Variants in SIPA1L3 observed in about 807,000 individuals in gnomAD.
SIPA1L3 encodes signal induced proliferation associated 1 like 3.
In SIPA1L3, 59 loss-of-function variants were observed where a neutral mutation model predicts 150.1. The ratio of observed to expected loss-of-function variants is 0.39; its 90% CI spans 0.32 to 0.49. The LOEUF (loss-of-function observed/expected upper bound fraction) is 0.49. Among genes scored for constraint, SIPA1L3 ranks in the 20% least tolerant of loss-of-function variants. SIPA1L3 has a pLI of 0.86. For missense variants in SIPA1L3, 2,211 were observed against 2,489.5 expected (o/e 0.89, Z 2.38); for synonymous variants, 1,070 against 1,077.6 (o/e 0.99, Z 0.14).
chr19:37,924,020 C>T (rs916280092), intron 1 of SIPA1L3, among the ~76,000 whole-genome samples: 2 of 152,162 alleles, frequency 1.3e-5, no homozygotes, highest in African/African-American at 2.4e-5. Flanking sequence ...GGTGATCTGC[C>T]TCCCTCGGCC....
rs1973012556 is a variant in SIPA1L3 at position 38,198,393 on chromosome 19, C to T, written c.4845C>T (p.Thr1615=). The T allele has an allele frequency of 1.3e-6, 2 of 1,552,894 alleles. No individual in the cohort carries two copies. Among genetic ancestry groups the T allele is most frequent in the African/African-American group, 2.8e-5 (2 of 72,192 alleles). ...AGSGFPEKKS[T]ISASELSLAD... ...ATCTCCACCCTCCCCATCCAGCCAC[C>T]ATCTCAGCCTCGGAGCTCTCGCTGG... Residue 1615 remains threonine, a synonymous_variant, in exon 19 of 22, where the codon ACC becomes ACT. Coordinates refer to ENST00000222345, the MANE Select transcript of SIPA1L3 (RefSeq NM_015073.3).
intron 1 of SIPA1L3, among the ~76,000 whole-genome samples, chr19:37,916,859 C>T (rs2046418832): frequency 1.3e-5 from 2 of 151,648 alleles, no homozygotes; most frequent in South Asian, 4.2e-4. Flanking sequence ...ACTCGGGAGA[C>T]GGAGGCAGAG....
chr19:38,173,957 AAG>A (rs771251848), intron 15 of SIPA1L3, among the ~76,000 whole-genome samples: 33 of 140,036 alleles, frequency 2.4e-4, no homozygotes, highest in Non-Finnish European at 2.5e-4. Flanking sequence ...GGGGGCAGAG[AAG>A]AGAGGGGGGC....
chr19:38,160,021 TA>T (rs1471443805), intron 13 of SIPA1L3, among the ~76,000 whole-genome samples: 5 of 152,182 alleles, frequency 3.3e-5, no homozygotes, highest in African/African-American at 1.2e-4. Flanking sequence ...ATTTTTTATT[TA>T]TTTTTTTGAG....
At position 38,119,721 on chromosome 19, in the gene SIPA1L3, C is replaced by G; in HGVS notation, c.2707C>G (p.Arg903Gly). ...SNEFVVLLDL[R>G]TKEVVFNCYC... ...TGAGTTTGTGGTGCTCCTGGACTTA[C>G]GCACCAAGGAGGTGGTGTTCAACTG... Residue 903 changes from arginine (R) to glycine (G), a missense_variant, in exon 9 of 22, where the codon CGC becomes GGC. Transcript: ENST00000222345. The G allele has an allele frequency of 1.2e-6, 2 of 1,614,134 alleles. No homozygotes were observed. Among genetic ancestry groups the G allele is most frequent in the Non-Finnish European group, 1.7e-6 (2 of 1,180,024 alleles).
At chr19:38,098,039 A>C in intron 4 of SIPA1L3, among the ~76,000 whole-genome samples, 1 of 152,348 alleles carries the variant, frequency 6.6e-6, no homozygotes, top group East Asian at 1.9e-4. Context: ...TTCTCTGTAA[A>C]TCAGAGATAA....
At chr19:37,921,825 A>G (rs542649517) in intron 1 of SIPA1L3, among the ~76,000 whole-genome samples, 13 of 151,574 alleles carry the variant, frequency 8.6e-5, no homozygotes, top group Admixed American at 5.9e-4. Context: ...CTGGTCTCGA[A>G]CTCCTGGCCT....
chr19:38,186,718 C>T (rs549970393), intron 16 of SIPA1L3, among the ~76,000 whole-genome samples: 20 of 150,182 alleles, frequency 1.3e-4, no homozygotes, highest in Admixed American at 3.3e-4. Flanking sequence ...GAGTGTGGCG[C>T]GGTGGCTCAT....
At chr19:37,916,493 T>TAAAAAAAA (rs911159767) in intron 1 of SIPA1L3, among the ~76,000 whole-genome samples, 1 of 90,790 alleles carries the variant, frequency 1.1e-5, no homozygotes. Context: ...ACTCTGTGTC[T>TAAAAAAAA]AAAAAAAAAA....
rs148353000 is a variant in SIPA1L3 at position 38,162,916 on chromosome 19, C to T, written c.3780+545C>T. Among the ~76,000 whole-genome samples, 128 of 152,308 alleles carry T rather than the reference C, an allele frequency of 8.4e-4. 3 individuals carry two copies. The East Asian group carries it at 0.018, about 21-fold the overall frequency. On this transcript the variant is annotated intron_variant, in intron 14 of 21. Coordinates refer to ENST00000222345, the MANE Select transcript of SIPA1L3 (RefSeq NM_015073.3). ...GGCATGAATCGCTTCCATTCCATCACGTGGCCACACCTAGCTGCAAGGGAG... is the reference window on the plus strand; with the variant it reads ...GGCATGAATCGCTTCCATTCCATCATGTGGCCACACCTAGCTGCAAGGGAG...
intron 2 of SIPA1L3, among the ~76,000 whole-genome samples, chr19:38,080,615 A>ATT (rs375495520): frequency 3.3e-5 from 5 of 149,574 alleles, no homozygotes; most frequent in East Asian, 2.0e-4. Context: ...TGTTACTGTG[A>ATT]TTTTTTTTTT....
intron 4 of SIPA1L3, among the ~76,000 whole-genome samples, chr19:38,097,091 G>A (rs1011974454): frequency 3.3e-5 from 5 of 152,220 alleles, no homozygotes; most frequent in Admixed American, 1.3e-4. Context: ...GCTCACACCT[G>A]TAATCCTGGC....
At chr19:38,143,600 G>A (rs562510128) in intron 12 of SIPA1L3, among the ~76,000 whole-genome samples, 2 of 142,430 alleles carry the variant, frequency 1.4e-5, no homozygotes, top group Non-Finnish European at 1.5e-5. Context: ...GTGCAGTGGC[G>A]CAATCTCAGC....
chr19:38,025,783 G>A (rs571350529), intron 1 of SIPA1L3, among the ~76,000 whole-genome samples: 3 of 152,256 alleles, frequency 2.0e-5, no homozygotes, highest in African/African-American at 7.2e-5. Flanking sequence ...TTCTGGGTGC[G>A]TCTGGTTCCC....
intron 1 of SIPA1L3, among the ~76,000 whole-genome samples, chr19:37,955,399 A>G (rs2046801695): frequency 6.6e-6 from 1 of 151,940 alleles, no homozygotes; most frequent in East Asian, 1.9e-4. Flanking sequence ...CTCAAAAAAA[A>G]AAAAAAAGAG....
rs374003932 is a variant in SIPA1L3 at position 38,099,965 on chromosome 19, A to G, written c.1669A>G (p.Ile557Val). Residue 557 changes from isoleucine to valine, a missense_variant, in exon 5 of 22, where the codon ATC becomes GTC. Physicochemically the swap from Ile to Val is conservative, Grantham distance 29. Coordinates refer to ENST00000222345, the MANE Select transcript of SIPA1L3 (RefSeq NM_015073.3). ...YRIIFRTREL[I>V]TLRGSILEDA... ...TTCCCTTCTCTCCCTTGAGTAGCTC[A>G]TCACCCTGCGGGGCTCCATCCTGGA... 62 of 1,601,808 alleles carry G rather than the reference A, an allele frequency of 3.9e-5. 1 individual carries two copies. The highest frequency in any genetic ancestry group is 5.0e-5 in the Non-Finnish European group (59 of 1,176,074).
rs753868154 is a variant in SIPA1L3 at position 38,152,790 on chromosome 19, CG to C, written c.3534-49del. 1.9e-5 allele frequency: 29 copies of C among 1,550,586 alleles called. No individual in the cohort carries two copies. In the African/African-American group the frequency reaches 3.7e-4, roughly 20 times the overall value. On this transcript the variant is annotated intron_variant, in intron 12 of 21. Transcript: ENST00000222345. ...CTCAGGCTCAGGCTCAGGTGGTTTT[CG>C]ACATAGGCTGATCTTTAACCCTGGG...
chr19:37,966,192 C>T (rs2046902477), intron 1 of SIPA1L3, among the ~76,000 whole-genome samples: 1 of 152,206 alleles, frequency 6.6e-6, no homozygotes, highest in Non-Finnish European at 1.5e-5. Flanking sequence ...CATCCAGAAA[C>T]ACTGATCTGT....
chr19:38,082,288 C>T lies in SIPA1L3; in HGVS notation c.723C>T (p.Leu241=). The T allele has an allele frequency of 6.3e-7, 1 of 1,599,912 alleles. No homozygotes were observed. The highest frequency in any genetic ancestry group is 8.5e-7 in the Non-Finnish European group (1 of 1,179,530). The stretch of plus-strand genomic sequence containing the variant: ...GAGGGTGCCAGGCCCTCACCGAGCT[C>T]CTCCGGGCAGATCCTGGCCCACACC... ...DARGCQALTE[L]LRADPGPHLM... Residue 241 remains leucine, a synonymous_variant, in exon 3 of 22, where the codon CTC becomes CTT. Coordinates refer to ENST00000222345, the MANE Select transcript of SIPA1L3 (RefSeq NM_015073.3).
Sources: gnomAD v4.1 joint callset for allele counts (sites outside exome capture counted in the v4.1 genomes callset) on GRCh38, gnomAD v4.1.1 for gene constraint, MANE v1.5 for transcripts, NCBI Gene and HGNC (gene_info 2026-07-23, HGNC 2026-07-21) for gene names.